The following SAMD5 variants were observed in gnomAD, a reference collection of about 807,000 sequenced individuals.
SAMD5 encodes sterile alpha motif domain containing 5.
SAMD5 carries 13 observed loss-of-function variants against 11.3 expected under a neutral mutation model. The ratio of observed to expected loss-of-function variants is 1.15; its 90% CI spans 0.75 to 1.83. The LOEUF (loss-of-function observed/expected upper bound fraction) is 1.83, where lower values mean the gene tolerates loss of function less well. SAMD5 is among the 40% of genes most tolerant of loss of function. The pLI is 0.00. For synonymous variants in SAMD5, 129 were observed against 111.3 expected, an observed-to-expected ratio of 1.16 and a Z score of -1.00; for missense variants, 255 against 239.1, an observed-to-expected ratio of 1.07 and a Z score of -0.44.
intron 1 of SAMD5, among the ~76,000 whole-genome samples, chr6:147,693,441 C>T (rs916623004): frequency 6.6e-6 from 1 of 152,218 alleles, no homozygotes; most frequent in African/African-American, 2.4e-5. Context: ...GCTGCAGAGC[C>T]CCACGTCCTG....
At chr6:147,697,367 GTAAAT>G (rs1218883140) in intron 1 of SAMD5, among the ~76,000 whole-genome samples, 1 of 152,182 alleles carries the variant, frequency 6.6e-6, no homozygotes, top group African/African-American at 2.4e-5. Context: ...GTTCCCTGCA[GTAAAT>G]GGACTTTCGT....
the SAMD5 span, among the ~76,000 whole-genome samples, chr6:147,868,869 C>T: frequency 1.3e-5 from 2 of 152,086 alleles, no homozygotes; most frequent in Non-Finnish European, 2.9e-5. Flanking sequence ...TATTTCTGCA[C>T]AAATAACTTT....
chr6:147,563,210 T>C (rs1026371706), intron 1 of SAMD5, among the ~76,000 whole-genome samples: 1 of 152,244 alleles, frequency 6.6e-6, no homozygotes, highest in African/African-American at 2.4e-5. Flanking sequence ...ACATATTAGC[T>C]AACATATTGC....
At chr6:147,590,024 G>A (rs568756094) in intron 1 of SAMD5, among the ~76,000 whole-genome samples, 1 of 152,312 alleles carries the variant, frequency 6.6e-6, no homozygotes, top group African/African-American at 2.4e-5. Flanking sequence ...GTTCAGGGCT[G>A]CCAAATTGCA....
chr6:147,852,739 T>A, the SAMD5 span, among the ~76,000 whole-genome samples: 2 of 152,192 alleles, frequency 1.3e-5, no homozygotes, highest in African/African-American at 4.8e-5. Context: ...GCAATGAAGA[T>A]AACCAATTTC....
chr6:147,662,713 C>A (rs1790664598), intron 1 of SAMD5, among the ~76,000 whole-genome samples: 1 of 152,140 alleles, frequency 6.6e-6, no homozygotes, highest in Admixed American at 6.5e-5. Flanking sequence ...ACAGAATATT[C>A]TCCTAGAACA....
chr6:147,567,110 T>A lies in SAMD5; in HGVS notation c.*2654T>A. Reference sequence around the variant, plus strand: ...AGTCTGGAGGGTCATAGCAAAATTTTCTTTAGTTCATCTTAAAATTTAGGG... The same window carrying A: ...AGTCTGGAGGGTCATAGCAAAATTTACTTTAGTTCATCTTAAAATTTAGGG... On this transcript the variant is annotated 3_prime_UTR_variant, in exon 2 of 2. Transcript: ENST00000367474. 2.0e-6 allele frequency: 2 copies of A among 982,890 alleles called. No individual in the cohort carries two copies. The highest frequency in any genetic ancestry group is 2.4e-6 in the Non-Finnish European group (2 of 827,642). 60.9% of individuals were successfully genotyped at this position (982,890 alleles called of 1,614,324 possible).
rs139078139 is a variant in SAMD5 at position 147,509,614 on chromosome 6, T to C, written c.459+227T>C. On this transcript the variant is annotated intron_variant, in intron 1 of 1. Coordinates refer to ENST00000367474, the MANE Select transcript of SAMD5 (RefSeq NM_001030060.3). ...AGCCCCCGCATCCAGATGTTATCTC[T>C]AAACTAACGACCAAAACTCCGCATC... Among the ~76,000 whole-genome samples the C allele has an allele frequency of 5.9e-3, 897 of 152,278 alleles. 7 individuals are homozygous for C. Among genetic ancestry groups the C allele is most frequent in the African/African-American group, 0.021 (866 of 41,552 alleles).
the SAMD5 span, among the ~76,000 whole-genome samples, chr6:147,930,734 A>G: frequency 4.6e-5 from 7 of 152,278 alleles, no homozygotes; most frequent in East Asian, 1.2e-3. Context: ...TCCGAAGGCC[A>G]AAGACCCTGG....
chr6:147,760,825 T>A, the SAMD5 span, among the ~76,000 whole-genome samples: 1 of 152,220 alleles, frequency 6.6e-6, no homozygotes, highest in Non-Finnish European at 1.5e-5. Flanking sequence ...CTAGTCTTCA[T>A]TGACCTCTTT....
At chr6:147,920,208 A>C in the SAMD5 span, among the ~76,000 whole-genome samples, 1 of 152,244 alleles carries the variant, frequency 6.6e-6, no homozygotes, top group East Asian at 1.9e-4. Flanking sequence ...GCACCATCTC[A>C]TCAGCTGCCA....
intron 1 of SAMD5, among the ~76,000 whole-genome samples, chr6:147,550,114 C>G (rs182211036): frequency 7.1e-4 from 108 of 151,898 alleles, no homozygotes; most frequent in Middle Eastern, 3.4e-3. Flanking sequence ...GCATGGTGGC[C>G]CACTTGTAGT....
At chr6:147,621,899 T>G (rs1789974276) in intron 1 of SAMD5, among the ~76,000 whole-genome samples, 1 of 152,214 alleles carries the variant, frequency 6.6e-6, no homozygotes, top group African/African-American at 2.4e-5. Context: ...TGAGATCAGA[T>G]GCATCTGGAC....
At chr6:147,682,081 C>T (rs1790948361) in intron 1 of SAMD5, among the ~76,000 whole-genome samples, 1 of 152,200 alleles carries the variant, frequency 6.6e-6, no homozygotes, top group South Asian at 2.1e-4. Flanking sequence ...TCTCCTGCCA[C>T]CTTACCTGCC....
At chr6:147,758,197 G>A in the SAMD5 span, among the ~76,000 whole-genome samples, 3 of 152,144 alleles carry the variant, frequency 2.0e-5, no homozygotes, top group Non-Finnish European at 4.4e-5. Flanking sequence ...TTAAAAAGTG[G>A]CAGCTATCTT....
chr6:147,575,564 A>T (rs1789205802), intron 1 of SAMD5, among the ~76,000 whole-genome samples: 1 of 152,238 alleles, frequency 6.6e-6, no homozygotes, highest in Non-Finnish European at 1.5e-5. Flanking sequence ...TACGTGTTAA[A>T]TTTGAAAATA....
intron 1 of SAMD5, among the ~76,000 whole-genome samples, chr6:147,684,332 T>C (rs1052608593): frequency 1.3e-5 from 2 of 152,150 alleles, no homozygotes; most frequent in African/African-American, 4.8e-5. Flanking sequence ...GAATAGACTA[T>C]GGTTTTTATA....
chr6:147,596,157 C>T (rs540292176), intron 1 of SAMD5, among the ~76,000 whole-genome samples: 14 of 152,162 alleles, frequency 9.2e-5, no homozygotes, highest in South Asian at 4.2e-4. Flanking sequence ...GTTTATTTAA[C>T]GATTTCTTTT....
At position 147,563,402 on chromosome 6, in the gene SAMD5, A is replaced by T. The variant is rs536547448; in HGVS notation, c.460-992A>T. On this transcript the variant is annotated intron_variant, in intron 1 of 1. Transcript: ENST00000367474. The stretch of plus-strand genomic sequence containing the variant: ...TTGCAGAGATAGAGACTAGGAAAAC[A>T]AAACAAAACAAAGGAGAACAAAATT... Among the ~76,000 whole-genome samples the T allele has an allele frequency of 7.2e-5, 11 of 152,342 alleles. No individual in the cohort carries two copies. The East Asian group carries it at 2.1e-3, about 29-fold the overall frequency.
Sources: allele counts gnomAD v4.1 joint callset (sites outside exome capture counted in the v4.1 genomes callset), GRCh38; gene constraint gnomAD v4.1.1; transcripts MANE v1.5; gene names NCBI Gene and HGNC (gene_info 2026-07-23, HGNC 2026-07-21).